The following NRG1 variants were observed in gnomAD, a reference collection of about 807,000 sequenced individuals.
NRG1 encodes neuregulin 1, also known as pro-neuregulin-1, membrane-bound isoform.
Under a neutral mutation model 63.8 loss-of-function variants are expected in NRG1, and 18 were observed. That is an observed-to-expected ratio of 0.28 (90% CI 0.19 to 0.42). The LOEUF (loss-of-function observed/expected upper bound fraction) is 0.42, where lower values mean the gene tolerates loss of function less well. Ranked by LOEUF, NRG1 falls within the 10% of genes least tolerant of loss-of-function variation. The probability of loss-of-function intolerance (pLI) is 1.00; values close to 1 mark genes in which losing one functional copy is unlikely to be tolerated. For synonymous variants in NRG1, 302 were observed against 301.3 expected, an observed-to-expected ratio of 1.00 and a Z score of -0.02; for missense variants, 762 against 814.7, an observed-to-expected ratio of 0.94 and a Z score of 0.79.
intron 1 of NRG1, among the ~76,000 whole-genome samples, chr8:32,347,610 G>T (rs1412724868): frequency 6.6e-6 from 1 of 152,100 alleles, no homozygotes; most frequent in African/African-American, 2.4e-5. Flanking sequence ...CTTTTCCATG[G>T]ACTTTGAAAA....
At chr8:32,088,581 G>A (rs755442785) in intron 1 of NRG1, among the ~76,000 whole-genome samples, 26 of 149,690 alleles carry the variant, frequency 1.7e-4, no homozygotes, top group Non-Finnish European at 3.1e-4. Flanking sequence ...GCAGTGGTGC[G>A]ATCTGGGCTC....
intron 5 of NRG1, among the ~76,000 whole-genome samples, chr8:32,668,600 A>G (rs1438254024): frequency 6.6e-6 from 1 of 152,200 alleles, no homozygotes; most frequent in African/African-American, 2.4e-5. Flanking sequence ...AAAATATAGT[A>G]AATTTCCTGG....
At chr8:32,134,459 C>T (rs146287883) in intron 1 of NRG1, among the ~76,000 whole-genome samples, 1 of 152,044 alleles carries the variant, frequency 6.6e-6, no homozygotes, top group Non-Finnish European at 1.5e-5. Context: ...AAAAAGAATC[C>T]TATTGTTTTA....
intron 1 of NRG1, among the ~76,000 whole-genome samples, chr8:31,972,559 G>T (rs1417397114): frequency 6.6e-6 from 1 of 151,902 alleles, no homozygotes; most frequent in Non-Finnish European, 1.5e-5. Context: ...CTTCCTATTT[G>T]CAAGCTTCCT....
intron 1 of NRG1, among the ~76,000 whole-genome samples, chr8:31,856,837 G>A (rs190290062): frequency 0.011 from 1,629 of 152,286 alleles, 18 homozygotes; most frequent in Non-Finnish European, 0.015. Flanking sequence ...TAACAGACAG[G>A]ACCCTCAGCT....
intron 1 of NRG1, among the ~76,000 whole-genome samples, chr8:31,765,465 G>C (rs769545339): frequency 1.3e-5 from 2 of 152,150 alleles, no homozygotes; most frequent in Non-Finnish European, 2.9e-5. Flanking sequence ...TTAGCTGTAG[G>C]TTTTTTGTAG....
chr8:32,503,287 A>AG (rs1828096137), intron 1 of NRG1, among the ~76,000 whole-genome samples: 1 of 93,898 alleles, frequency 1.1e-5, no homozygotes, highest in African/African-American at 5.0e-5. Flanking sequence ...ACTCTGTCTC[A>AG]GAAAAAAAAA....
At chr8:32,648,360 A>G (rs1340841172) in intron 5 of NRG1, 6 of 1,614,084 alleles carry the variant, frequency 3.7e-6, no homozygotes, top group East Asian at 2.2e-5. Context: ...AACAGAAACT[A>G]ATCTCCAAAC....
At chr8:32,419,606 A>C (rs1296586058) in intron 1 of NRG1, among the ~76,000 whole-genome samples, 1 of 152,210 alleles carries the variant, frequency 6.6e-6, no homozygotes, top group Non-Finnish European at 1.5e-5. Flanking sequence ...CCAAGTTTAT[A>C]GTTCTTTCAA....
intron 6 of NRG1, among the ~76,000 whole-genome samples, chr8:32,730,785 A>G (rs375562796): frequency 2.0e-5 from 3 of 152,198 alleles, no homozygotes; most frequent in African/African-American, 4.8e-5. Flanking sequence ...ATTGTAATCT[A>G]TAAAATATGA....
At chr8:32,242,779 C>T (rs911639051) in intron 1 of NRG1, among the ~76,000 whole-genome samples, 1 of 152,096 alleles carries the variant, frequency 6.6e-6, no homozygotes, top group Non-Finnish European at 1.5e-5. Context: ...TTTTTACAAC[C>T]AGTTTATGCG....
chr8:32,345,828 G>A (rs1349031795), intron 1 of NRG1, among the ~76,000 whole-genome samples: 3 of 151,642 alleles, frequency 2.0e-5, no homozygotes, highest in African/African-American at 7.3e-5. Context: ...TGCAGAGACG[G>A]CCAACCCCAT....
chr8:31,953,108 G>GT (rs139779077), intron 1 of NRG1, among the ~76,000 whole-genome samples: 4,394 of 149,812 alleles, frequency 0.029, 103 homozygotes, highest in South Asian at 0.088. Flanking sequence ...AGCAAAAAGG[G>GT]TTTTTTTTTT....
At chr8:32,196,273 G>A (rs912673453) in intron 1 of NRG1, among the ~76,000 whole-genome samples, 8 of 152,048 alleles carry the variant, frequency 5.3e-5, no homozygotes, top group African/African-American at 1.9e-4. Flanking sequence ...TCCCTGGTCT[G>A]GGGAGGTCCC....
intron 1 of NRG1, among the ~76,000 whole-genome samples, chr8:31,661,185 T>A (rs1475424372): frequency 6.6e-6 from 1 of 152,226 alleles, no homozygotes; most frequent in Non-Finnish European, 1.5e-5. Context: ...ATAGAGCTGT[T>A]GATTTGAGAA....
chr8:31,929,377 G>A lies in NRG1; in HGVS notation c.37+289946G>A, dbSNP rs140665493. On this transcript the variant is annotated intron_variant, in intron 1 of 10. Transcript: ENST00000519301. ...CATTTATATACTTTTCTACATGATT[G>A]GACTTATTTATAATTTGGATTTTTG... 5.1e-4 allele frequency among the ~76,000 whole-genome samples: 77 copies of A among 151,720 alleles called. No homozygotes were observed. The East Asian group carries it at 0.014, about 27-fold the overall frequency.
intron 1 of NRG1, among the ~76,000 whole-genome samples, chr8:31,790,821 G>A (rs1178955243): frequency 2.0e-5 from 3 of 152,200 alleles, no homozygotes; most frequent in Non-Finnish European, 4.4e-5. Flanking sequence ...GTGGTCCAGA[G>A]ACATGAGACA....
chr8:32,093,793 G>C (rs1829523103), intron 1 of NRG1, among the ~76,000 whole-genome samples: 1 of 152,218 alleles, frequency 6.6e-6, no homozygotes, highest in South Asian at 2.1e-4. Context: ...GTTGACTTAG[G>C]ATGTGGAGTT....
intron 1 of NRG1, among the ~76,000 whole-genome samples, chr8:31,732,100 C>T (rs771858895): frequency 6.6e-6 from 1 of 151,810 alleles, no homozygotes; most frequent in Non-Finnish European, 1.5e-5. Flanking sequence ...AGTTTTTTTC[C>T]ATAAAAACAG....
Sources: gnomAD v4.1 joint callset for allele counts (sites outside exome capture counted in the v4.1 genomes callset) on GRCh38, gnomAD v4.1.1 for gene constraint, MANE v1.5 for transcripts, NCBI Gene and HGNC (gene_info 2026-07-23, HGNC 2026-07-21) for gene names.